Variants in ST7 observed in about 807,000 individuals in gnomAD.
ST7 encodes suppressor of tumorigenicity 7 protein.
Under a neutral mutation model 78.7 loss-of-function variants are expected in ST7, and 28 were observed. The ratio of observed to expected loss-of-function variants is 0.36; its 90% CI spans 0.26 to 0.49. ST7 has a LOEUF of 0.49. ST7 is among the 20% of genes least tolerant of loss of function. The pLI is 0.99. For missense variants in ST7, 418 were observed against 696.0 expected, an observed-to-expected ratio of 0.60 and a Z score of 4.49; for synonymous variants, 247 against 249.6, an observed-to-expected ratio of 0.99 and a Z score of 0.10.
intron 6 of ST7, 140 bp downstream of exon 6, chr7:117,132,100 A>T (rs1311365646): frequency 1.2e-6 from 1 of 862,580 alleles, no homozygotes; most frequent in East Asian, 2.7e-5. Context: ...TATTTAAAAA[A>T]GTTTTTTTTT....
At chr7:116,960,495 GT>G (rs1792771085) in intron 1 of ST7, among the ~76,000 whole-genome samples, 1 of 152,146 alleles carries the variant, frequency 6.6e-6, no homozygotes, top group Non-Finnish European at 1.5e-5. Context: ...ACATAAAATT[GT>G]GCTGAAGTAT....
chr7:117,142,774 G>C (rs1454532293), intron 9 of ST7, among the ~76,000 whole-genome samples: 1 of 152,094 alleles, frequency 6.6e-6, no homozygotes, highest in African/African-American at 2.4e-5. Flanking sequence ...ACCACACCCA[G>C]CTGATTTTTG....
intron 7 of ST7, among the ~76,000 whole-genome samples, chr7:117,134,992 A>T (rs12706142): frequency 0.17 from 25,991 of 151,880 alleles, 2,831 homozygotes; most frequent in South Asian, 0.28. Flanking sequence ...CTAGCTGGCT[A>T]TTGCAGTTTG....
chr7:117,202,126 A>T (rs1415303099), intron 12 of ST7, among the ~76,000 whole-genome samples: 1 of 79,794 alleles, frequency 1.3e-5, no homozygotes, highest in African/African-American at 3.9e-5. Flanking sequence ...AAGCCCGGCT[A>T]ATTTTTTTTG....
chr7:117,072,563 A>G (rs1015644576), intron 1 of ST7: 1 of 152,140 alleles, frequency 6.6e-6, no homozygotes, highest in Non-Finnish European at 1.5e-5. Context: ...CCCTTTAAAC[A>G]ACTTTTTTTG....
intron 1 of ST7, among the ~76,000 whole-genome samples, chr7:117,049,915 G>T (rs1214481980): frequency 1.3e-5 from 2 of 152,042 alleles, no homozygotes; most frequent in African/African-American, 2.4e-5. Context: ...TGAAAAATAT[G>T]CCAGACCTGG....
intron 3 of ST7, among the ~76,000 whole-genome samples, chr7:117,125,631 T>G (rs189670191): frequency 3.7e-4 from 56 of 152,208 alleles, no homozygotes; most frequent in African/African-American, 1.3e-3. Context: ...TATTCATTTC[T>G]GAGATATCAA....
At chr7:116,986,645 A>G (rs1794204665) in intron 1 of ST7, among the ~76,000 whole-genome samples, 1 of 152,194 alleles carries the variant, frequency 6.6e-6, no homozygotes, top group Non-Finnish European at 1.5e-5. Context: ...GGGGAAGGCT[A>G]GTGTGAGGGA....
intron 1 of ST7, among the ~76,000 whole-genome samples, chr7:117,048,997 G>T (rs1314078931): frequency 2.0e-5 from 3 of 152,128 alleles, no homozygotes; most frequent in African/African-American, 7.2e-5. Context: ...TTATTGACAG[G>T]TACTTCCTGA....
intron 1 of ST7, among the ~76,000 whole-genome samples, chr7:117,093,856 A>G (rs6979427): frequency 2.0e-5 from 3 of 152,242 alleles, no homozygotes; most frequent in South Asian, 2.1e-4. Context: ...TTAAAATTTT[A>G]TAGACAATGA....
At chr7:117,035,063 T>C (rs1796808767) in intron 1 of ST7, among the ~76,000 whole-genome samples, 1 of 151,924 alleles carries the variant, frequency 6.6e-6, no homozygotes, top group Admixed American at 6.6e-5. Context: ...CAGACTTTCA[T>C]GAGGCCAAGA....
At chr7:117,207,432 G>A (rs923677647) in intron 12 of ST7, among the ~76,000 whole-genome samples, 1 of 152,040 alleles carries the variant, frequency 6.6e-6, no homozygotes, top group East Asian at 1.9e-4. Context: ...GTGAGCCACC[G>A]CGCCCAGCCC....
intron 1 of ST7, among the ~76,000 whole-genome samples, chr7:116,962,633 G>A (rs1453794017): frequency 6.6e-6 from 1 of 152,164 alleles, no homozygotes; most frequent in Non-Finnish European, 1.5e-5. Flanking sequence ...TAATGGGGCT[G>A]TTTGATTTTT....
intron 1 of ST7, chr7:117,098,716 C>A: frequency 8.2e-7 from 1 of 1,219,006 alleles, no homozygotes; most frequent in South Asian, 1.4e-5. Context: ...GCCTTTCCCT[C>A]TAATGACATC....
chr7:117,071,029 T>C lies in ST7; in HGVS notation c.152-28733T>C, dbSNP rs915776999. Among the ~76,000 whole-genome samples the C allele has an allele frequency of 6.6e-5, 10 of 151,902 alleles. 1 individual carries two copies. Among genetic ancestry groups the C allele is most frequent in the African/African-American group, 1.9e-4 (8 of 41,460 alleles). On this transcript the variant is annotated intron_variant, in intron 1 of 15. Transcript: ENST00000323984. ...GGTCAGGAGATCGAGACCATCTTGGTTAACACGGTGAAACGCCCTCTCTAC... is the reference window on the plus strand; with the variant it reads ...GGTCAGGAGATCGAGACCATCTTGGCTAACACGGTGAAACGCCCTCTCTAC...
At chr7:117,027,463 A>AAAAGTAAAGTAAAGTTAAGTAAAGT (rs1796252720) in intron 1 of ST7, among the ~76,000 whole-genome samples, 2 of 140,630 alleles carry the variant, frequency 1.4e-5, no homozygotes, top group African/African-American at 2.8e-5. Context: ...AAAGTAAAGT[A>AAAAGTAAAGTAAAGTTAAGTAAAGT]AAAGTAAAGT....
chr7:117,224,909 T>C (rs893025272), intron 15 of ST7, among the ~76,000 whole-genome samples: 5 of 152,172 alleles, frequency 3.3e-5, no homozygotes, highest in African/African-American at 1.2e-4. Flanking sequence ...ATCAGTGGTT[T>C]CCCTGGCTCT....
chr7:116,973,053 A>G (rs1019881192), intron 1 of ST7: 5 of 655,016 alleles, frequency 7.6e-6, no homozygotes, highest in African/African-American at 1.8e-5. Flanking sequence ...TTTATTTTAT[A>G]CAGGTTATAA....
chr7:117,026,956 G>C (rs960060508), intron 1 of ST7, among the ~76,000 whole-genome samples: 1 of 152,192 alleles, frequency 6.6e-6, no homozygotes, highest in East Asian at 1.9e-4. Flanking sequence ...TGTGAAATGG[G>C]TCAGGGTTGG....
Sources: allele counts gnomAD v4.1 joint callset (sites outside exome capture counted in the v4.1 genomes callset), GRCh38; gene constraint gnomAD v4.1.1; transcripts MANE v1.5; gene names NCBI Gene and HGNC (gene_info 2026-07-23, HGNC 2026-07-21).